Variants in NRF1 observed in about 807,000 individuals in gnomAD.
NRF1 encodes nuclear respiratory factor 1, also known as alpha palindromic-binding protein.
In NRF1, 5 loss-of-function variants were observed where a neutral mutation model predicts 58.5. The observed-to-expected ratio is 0.09, with a 90% CI of 0.04 to 0.18. The LOEUF is 0.18. Among genes scored for constraint, NRF1 ranks in the 10% least tolerant of loss-of-function variants. The pLI, the probability that NRF1 is intolerant of heterozygous loss-of-function variation, is 1.00. For missense variants in NRF1, 288 were observed against 657.7 expected, an observed-to-expected ratio of 0.44 and a Z score of 6.15; for synonymous variants, 224 against 246.7, an observed-to-expected ratio of 0.91 and a Z score of 0.86.
intron 9 of NRF1, among the ~76,000 whole-genome samples, chr7:129,724,992 C>T (rs1054733735): frequency 3.3e-5 from 5 of 152,172 alleles, no homozygotes; most frequent in African/African-American, 7.2e-5. Flanking sequence ...AGCAGGATTG[C>T]TTGAGCCCGG....
At chr7:129,611,920 G>C (rs1193815547) in intron 1 of NRF1, 96 bp downstream of exon 1, 1 of 148,542 alleles carries the variant, frequency 6.7e-6, no homozygotes, top group Non-Finnish European at 1.5e-5. Flanking sequence ...CCCGCAGCCG[G>C]CACCCTGCCG....
At chr7:129,736,730 C>G (rs1803724498) in intron 10 of NRF1, among the ~76,000 whole-genome samples, 1 of 150,916 alleles carries the variant, frequency 6.6e-6, no homozygotes, top group Admixed American at 6.6e-5. Flanking sequence ...ACCCCCACCC[C>G]TGTTCATCTC....
In NRF1 at chr7:129,697,838, G is replaced by A. The variant is rs1382659724; in HGVS notation, c.606+7292G>A. 2.6e-5 allele frequency among the ~76,000 whole-genome samples: 4 copies of A among 151,986 alleles called. No individual in the cohort carries two copies. In the South Asian group the frequency reaches 6.2e-4, roughly 24 times the overall value. ...CAACCTCCACCTCCTGGGTTCAAGC[G>A]ATTCTCCTGCCTCAGCCTCCCCAGT... On this transcript the variant is annotated intron_variant, in intron 5 of 10. Transcript: ENST00000393232.
intron 5 of NRF1, among the ~76,000 whole-genome samples, chr7:129,700,934 AAGAG>A (rs1009664183): frequency 1.3e-5 from 2 of 152,176 alleles, no homozygotes; most frequent in South Asian, 4.1e-4. Flanking sequence ...AAGGAAAAGA[AAGAG>A]AGAATATATA....
intron 10 of NRF1, among the ~76,000 whole-genome samples, chr7:129,746,034 A>G (rs1803968113): frequency 6.6e-6 from 1 of 152,142 alleles, no homozygotes; most frequent in South Asian, 2.1e-4. Flanking sequence ...GAGAGAAGAA[A>G]ACTCTTTGAG....
intron 1 of NRF1, among the ~76,000 whole-genome samples, chr7:129,635,607 C>T (rs937258244): frequency 3.3e-5 from 5 of 152,202 alleles, no homozygotes; most frequent in African/African-American, 1.2e-4. Context: ...CTAAGACAGT[C>T]TTCCTAATAA....
intron 1 of NRF1, among the ~76,000 whole-genome samples, chr7:129,627,663 A>G (rs188291122): frequency 4.8e-4 from 73 of 152,280 alleles, no homozygotes; most frequent in Admixed American, 7.8e-4. Flanking sequence ...AGAATTGACT[A>G]TTATATATAG....
At chr7:129,665,683 G>C (rs1414711179) in intron 2 of NRF1, among the ~76,000 whole-genome samples, 1 of 152,120 alleles carries the variant, frequency 6.6e-6, no homozygotes, top group African/African-American at 2.4e-5. Flanking sequence ...GAGTGCAGTG[G>C]TACAATCATG....
At chr7:129,654,985 A>G (rs1173898850) in intron 1 of NRF1, among the ~76,000 whole-genome samples, 1 of 152,200 alleles carries the variant, frequency 6.6e-6, no homozygotes, top group Non-Finnish European at 1.5e-5. Context: ...GTTGGTATCC[A>G]CAAAATAACT....
intron 8 of NRF1, among the ~76,000 whole-genome samples, chr7:129,712,145 A>ATCG (rs368544365): frequency 7.3e-4 from 1 of 1,366 alleles, no homozygotes; most frequent in Non-Finnish European, 2.0e-3. Flanking sequence ...AAGTTCTGTT[A>ATCG]TCTTCACTTT....
chr7:129,662,251 TTTTCTTTGTTTTTTC>T (rs2151078149), intron 2 of NRF1, among the ~76,000 whole-genome samples: 1 of 152,264 alleles, frequency 6.6e-6, no homozygotes, highest in African/African-American at 2.4e-5. Flanking sequence ...TTATGTTCTC[TTTTCTTTGTTTTTTC>T]TTTATTTATT....
intron 2 of NRF1, among the ~76,000 whole-genome samples, chr7:129,660,292 T>C (rs1584616338): frequency 6.9e-6 from 1 of 145,400 alleles, no homozygotes; most frequent in African/African-American, 2.8e-5. Context: ...ATTCCACCCC[T>C]GGCCCCTCCC....
At chr7:129,670,282 C>T (rs1455269439) in intron 2 of NRF1, among the ~76,000 whole-genome samples, 1 of 152,134 alleles carries the variant, frequency 6.6e-6, no homozygotes, top group Admixed American at 6.5e-5. Context: ...ATGTGTTGTC[C>T]ACTTTACATT....
chr7:129,689,848 C>A (rs888993442), intron 4 of NRF1, among the ~76,000 whole-genome samples: 2 of 152,232 alleles, frequency 1.3e-5, no homozygotes, highest in African/African-American at 4.8e-5. Context: ...CACTCAGCTA[C>A]AACATACACC....
intron 6 of NRF1, among the ~76,000 whole-genome samples, chr7:129,710,121 G>A (rs1339926572): frequency 2.6e-5 from 4 of 152,184 alleles, no homozygotes; most frequent in Admixed American, 6.5e-5. Flanking sequence ...AGAAGTTTAA[G>A]AGTTTGGCCT....
chr7:129,690,754 T>C (rs1802547919), intron 5 of NRF1, among the ~76,000 whole-genome samples: 1 of 152,034 alleles, frequency 6.6e-6, no homozygotes, highest in Non-Finnish European at 1.5e-5. Flanking sequence ...TGTGGTCTCC[T>C]CTTTCTTCTG....
chr7:129,704,021 C>T (rs1802894405), intron 5 of NRF1, among the ~76,000 whole-genome samples: 1 of 151,838 alleles, frequency 6.6e-6, no homozygotes. Flanking sequence ...TGACAATTTC[C>T]ATTAGTAATC....
At chr7:129,750,554 A>G (rs1804091065) in intron 10 of NRF1, among the ~76,000 whole-genome samples, 1 of 152,194 alleles carries the variant, frequency 6.6e-6, no homozygotes, top group Non-Finnish European at 1.5e-5. Context: ...TCTATGTAGA[A>G]AACAGCGGAA....
At chr7:129,646,941 T>C (rs142114315) in intron 1 of NRF1, among the ~76,000 whole-genome samples, 18 of 152,294 alleles carry the variant, frequency 1.2e-4, no homozygotes, top group African/African-American at 4.3e-4. Flanking sequence ...TGCAGCTGAT[T>C]ACCCACAATC....
Sources: gnomAD v4.1 joint callset for allele counts (sites outside exome capture counted in the v4.1 genomes callset) on GRCh38, gnomAD v4.1.1 for gene constraint, MANE v1.5 for transcripts, NCBI Gene and HGNC (gene_info 2026-07-23, HGNC 2026-07-21) for gene names.